Variants in FLT1 observed in about 807,000 individuals in gnomAD.
The protein encoded by FLT1 is fms related receptor tyrosine kinase 1.
In FLT1, 49 loss-of-function variants were observed where a neutral mutation model predicts 156.3. That is an observed-to-expected ratio of 0.31 (90% CI 0.25 to 0.40). The LOEUF (loss-of-function observed/expected upper bound fraction) is 0.40. Among genes scored for constraint, FLT1 ranks in the 10% least tolerant of loss-of-function variants. The pLI, the probability that FLT1 is intolerant of heterozygous loss-of-function variation, is 1.00. For missense variants in FLT1, 1,322 were observed against 1,637.2 expected (o/e 0.81, Z 3.32); for synonymous variants, 594 against 583.8 (o/e 1.02, Z -0.25).
chr13:28,326,486 A>G (rs940240672), intron 20 of FLT1, among the ~76,000 whole-genome samples: 1 of 149,780 alleles, frequency 6.7e-6, no homozygotes, highest in Admixed American at 6.6e-5. Context: ...GTTTTAGTAA[A>G]TTATTTCTCC....
chr13:28,415,455 T>A (rs1273412867), intron 10 of FLT1, among the ~76,000 whole-genome samples: 1 of 152,148 alleles, frequency 6.6e-6, no homozygotes, highest in Non-Finnish European at 1.5e-5. Flanking sequence ...CACTCCAGCC[T>A]GGGCAACAAC....
At chr13:28,449,086 G>T (rs1375699182) in intron 3 of FLT1, among the ~76,000 whole-genome samples, 2 of 152,190 alleles carry the variant, frequency 1.3e-5, no homozygotes, top group African/African-American at 4.8e-5. Context: ...TTTGAGATCA[G>T]CCAGGGCAAC....
intron 1 of FLT1, among the ~76,000 whole-genome samples, chr13:28,491,965 G>A (rs1411279323): frequency 1.3e-5 from 2 of 152,162 alleles, no homozygotes; most frequent in Non-Finnish European, 2.9e-5. Context: ...AATATTTGAG[G>A]AACTGGAGTA....
intron 14 of FLT1, among the ~76,000 whole-genome samples, chr13:28,378,315 G>A (rs1444197981): frequency 6.6e-6 from 1 of 152,176 alleles, no homozygotes; most frequent in Non-Finnish European, 1.5e-5. Flanking sequence ...CCAAAGTGCT[G>A]GGATTACAGG....
Position 28,453,556 on chromosome 13 carries a change from G to C in FLT1, c.388+13347C>G, listed in dbSNP as rs78127959. Among the ~76,000 whole-genome samples the C allele has an allele frequency of 9.8e-5, 15 of 152,318 alleles. No homozygotes were observed. In the East Asian group the frequency reaches 2.9e-3, roughly 29 times the overall value. On this transcript the variant is annotated intron_variant, in intron 3 of 29. Transcript: ENST00000282397. Reference sequence around the variant, plus strand: ...GCTTCCCCCATCCAGTACTAGGGTAGTTAGTGGGTTTTGCAAGCCAAATAC... The same window carrying C: ...GCTTCCCCCATCCAGTACTAGGGTACTTAGTGGGTTTTGCAAGCCAAATAC...
intron 16 of FLT1, among the ~76,000 whole-genome samples, chr13:28,339,894 G>A (rs1288550966): frequency 6.6e-6 from 1 of 152,178 alleles, no homozygotes; most frequent in African/African-American, 2.4e-5. Flanking sequence ...AATCCTGAGT[G>A]AGACTGGAAT....
chr13:28,436,505 A>T (rs1878030213), intron 4 of FLT1, among the ~76,000 whole-genome samples: 1 of 152,106 alleles, frequency 6.6e-6, no homozygotes, highest in African/African-American at 2.4e-5. Context: ...AGGCAGAAAA[A>T]ACAGTAAATA....
intron 10 of FLT1, among the ~76,000 whole-genome samples, chr13:28,410,850 G>A (rs1480145969): frequency 6.6e-6 from 1 of 152,190 alleles, no homozygotes; most frequent in Admixed American, 6.5e-5. Flanking sequence ...CAAGTTCACA[G>A]GGAAAGGAGC....
chr13:28,470,273 CA>C (rs1880086068), intron 1 of FLT1, among the ~76,000 whole-genome samples: 1 of 152,182 alleles, frequency 6.6e-6, no homozygotes. Flanking sequence ...GGCCCAAAAT[CA>C]GGGATCTGTG....
At position 28,444,924 on chromosome 13, in the gene FLT1, G is replaced by C. The variant is rs139598468; in HGVS notation, c.389-6579C>G. ...TATAAATGCTTATATTGATAAAGAA[G>C]AAACATCTCAAATCAATAACCTAAA... is the stretch of plus-strand genomic sequence containing the variant. On this transcript the variant is annotated intron_variant, in intron 3 of 29. Transcript: ENST00000282397. Among the ~76,000 whole-genome samples, 504 of 152,100 alleles carry C rather than the reference G, an allele frequency of 3.3e-3. 3 individuals carry two copies. The highest frequency in any genetic ancestry group is 0.011 in the African/African-American group (461 of 41,510).
At chr13:28,415,149 T>C (rs1336856992) in intron 10 of FLT1, among the ~76,000 whole-genome samples, 1 of 152,212 alleles carries the variant, frequency 6.6e-6, no homozygotes, top group Non-Finnish European at 1.5e-5. Flanking sequence ...TTCTTGCCTA[T>C]CTTCAAAGAT....
chr13:28,312,613 C>G (rs771664130), intron 25 of FLT1, among the ~76,000 whole-genome samples: 85 of 152,260 alleles, frequency 5.6e-4, no homozygotes, highest in South Asian at 1.2e-3. Context: ...GAGCTGGCTT[C>G]TTAAAAAGCA....
Position 28,322,661 on chromosome 13 carries a change from C to T in FLT1, c.2953+129G>A. The T allele has an allele frequency of 2.3e-6, 2 of 875,682 alleles. No homozygotes were observed. Among genetic ancestry groups the T allele is most frequent in the Non-Finnish European group, 3.8e-6 (2 of 522,080 alleles). The allele number at this position is 875,682 out of a possible 1,614,324, so 54.2% of individuals were successfully genotyped here. Reference sequence around the variant, plus strand: ...ATTATCTTAATTCAAATCTTATCTCCTCAGGACATTACCATTCGAGTCTCC... The same window carrying T: ...ATTATCTTAATTCAAATCTTATCTCTTCAGGACATTACCATTCGAGTCTCC... On this transcript the variant is annotated intron_variant, in intron 21 of 29. Coordinates refer to ENST00000282397, the MANE Select transcript of FLT1 (RefSeq NM_002019.4). This position sits in a 1 kb window ranked among gnomAD's most constrained non-coding sequence, Gnocchi z 4.3.
intron 14 of FLT1, among the ~76,000 whole-genome samples, 163 bp downstream of exon 14, chr13:28,384,722 T>C (rs1874249641): frequency 6.6e-6 from 1 of 152,144 alleles, no homozygotes. Flanking sequence ...GGCCCAAATA[T>C]TCCTCACTGG....
At chr13:28,423,164 C>A (rs1877113941) in intron 10 of FLT1, among the ~76,000 whole-genome samples, 1 of 152,078 alleles carries the variant, frequency 6.6e-6, no homozygotes, top group East Asian at 1.9e-4. Context: ...GGCATCAGCT[C>A]CCCCACATGC....
At chr13:28,411,278 G>A (rs985050880) in intron 10 of FLT1, among the ~76,000 whole-genome samples, 3 of 151,388 alleles carry the variant, frequency 2.0e-5, no homozygotes, top group Non-Finnish European at 4.4e-5. Flanking sequence ...CTGGCCAGGC[G>A]CTGTGACTCA....
At chr13:28,412,317 C>CTTTCTTT (rs370007991) in intron 10 of FLT1, among the ~76,000 whole-genome samples, 1 of 37,358 alleles carries the variant, frequency 2.7e-5, no homozygotes, top group African/African-American at 6.3e-5. Context: ...CTCTTTCTTT[C>CTTTCTTT]TTTCTTTCTT....
At chr13:28,465,041 G>T (rs185362726) in intron 3 of FLT1, among the ~76,000 whole-genome samples, 1 of 152,152 alleles carries the variant, frequency 6.6e-6, no homozygotes, top group Non-Finnish European at 1.5e-5. Flanking sequence ...AATATGCTAC[G>T]TGGAATTAGA....
At chr13:28,393,181 T>C (rs529298631) in intron 12 of FLT1, among the ~76,000 whole-genome samples, 55 of 152,246 alleles carry the variant, frequency 3.6e-4, no homozygotes, top group Non-Finnish European at 6.6e-4. Flanking sequence ...TCTTATGAGG[T>C]GTCATGGAGA....
Sources: gnomAD v4.1 joint callset for allele counts (sites outside exome capture counted in the v4.1 genomes callset) on GRCh38, gnomAD v4.1.1 for gene constraint, Gnocchi (gnomAD v3.1) non-coding constraint, MANE v1.5 for transcripts, NCBI Gene and HGNC (gene_info 2026-07-23, HGNC 2026-07-21) for gene names.